Variants in ZNF609 observed in about 807,000 individuals in gnomAD.
The protein encoded by ZNF609 is zinc finger protein 609.
A neutral mutation model predicts 109.5 loss-of-function variants in ZNF609; 11 were observed. The ratio of observed to expected loss-of-function variants is 0.10; its 90% CI spans 0.06 to 0.17. ZNF609 has a LOEUF of 0.17. Among genes scored for constraint, ZNF609 ranks in the 10% least tolerant of loss-of-function variants. The pLI is 1.00. For synonymous variants in ZNF609, 646 were observed against 662.0 expected (o/e 0.98, Z 0.37); for missense variants, 1,559 against 1,772.4 (o/e 0.88, Z 2.16).
intron 2 of ZNF609, among the ~76,000 whole-genome samples, chr15:64,609,086 TTC>T (rs1250928212): frequency 9.0e-5 from 3 of 33,434 alleles, no homozygotes; most frequent in African/African-American, 1.9e-4. Context: ...CTTTCTTTCT[TTC>T]TTTCTTTCTT....
intron 2 of ZNF609, among the ~76,000 whole-genome samples, chr15:64,594,806 C>T (rs529318381): frequency 9.5e-4 from 142 of 149,362 alleles, no homozygotes; most frequent in African/African-American, 3.4e-3. Flanking sequence ...GCGGGTGGAT[C>T]ATGAGGTCAG....
chr15:64,526,275 A>G (rs1021672148), intron 2 of ZNF609, among the ~76,000 whole-genome samples: 25 of 152,068 alleles, frequency 1.6e-4, no homozygotes, highest in Admixed American at 7.9e-4. Flanking sequence ...CAGAAATACT[A>G]TTGTTTTATA....
chr15:64,609,066 T>TTCTC (rs1353782917), intron 2 of ZNF609, among the ~76,000 whole-genome samples: 2 of 22,996 alleles, frequency 8.7e-5, no homozygotes, highest in African/African-American at 2.3e-4. Context: ...GTTTTAATTT[T>TTCTC]TCTTTCTTTC....
intron 1 of ZNF609, among the ~76,000 whole-genome samples, chr15:64,491,602 A>T (rs1595697871): frequency 6.6e-6 from 1 of 152,066 alleles, no homozygotes; most frequent in East Asian, 1.9e-4. Context: ...TAATCCCAGC[A>T]CTTTGGGAGG....
At chr15:64,538,001 G>A (rs950605172) in intron 2 of ZNF609, among the ~76,000 whole-genome samples, 1 of 152,096 alleles carries the variant, frequency 6.6e-6, no homozygotes, top group African/African-American at 2.4e-5. Context: ...AGCTACTCGG[G>A]AGGCTGAGGT....
At chr15:64,617,960 CTG>C (rs1895824578) in intron 2 of ZNF609, among the ~76,000 whole-genome samples, 1 of 152,116 alleles carries the variant, frequency 6.6e-6, no homozygotes, top group South Asian at 2.1e-4. Flanking sequence ...ATTTCAAAGA[CTG>C]AGAATTAGCT....
rs150523549 is a variant in ZNF609 at position 64,491,911 on chromosome 15, A to G, written c.-127-7382A>G. Among the ~76,000 whole-genome samples, 814 of 151,980 alleles carry G rather than the reference A, an allele frequency of 5.4e-3. 12 individuals are homozygous for G. Among genetic ancestry groups the G allele is most frequent in the African/African-American group, 0.019 (781 of 41,456 alleles). On this transcript the variant is annotated intron_variant, in intron 1 of 9. Coordinates refer to ENST00000326648, the MANE Select transcript of ZNF609 (RefSeq NM_015042.2). Reference sequence around the variant, plus strand: ...TTGTCCCTGAGGGATTTCTGAAGCAAGATGGAGTCTGTCAGTCACGACAGT... The same window carrying G: ...TTGTCCCTGAGGGATTTCTGAAGCAGGATGGAGTCTGTCAGTCACGACAGT...
intron 2 of ZNF609, among the ~76,000 whole-genome samples, chr15:64,602,671 C>T (rs56360107): frequency 0.016 from 2,339 of 150,446 alleles, 65 homozygotes; most frequent in African/African-American, 0.054. Context: ...AAGCTCATGA[C>T]TCATGACTTC....
At chr15:64,519,972 C>T (rs1214576700) in intron 2 of ZNF609, among the ~76,000 whole-genome samples, 2 of 152,142 alleles carry the variant, frequency 1.3e-5, no homozygotes, top group Non-Finnish European at 2.9e-5. Context: ...AGTTACAGGT[C>T]AGCAACAAAT....
At chr15:64,510,364 C>T (rs1174370024) in intron 2 of ZNF609, among the ~76,000 whole-genome samples, 5 of 151,730 alleles carry the variant, frequency 3.3e-5, no homozygotes, top group African/African-American at 7.3e-5. Context: ...ATCACCACAT[C>T]GGGCTAATTT....
At chr15:64,671,339 C>T (rs1482476497) in intron 4 of ZNF609, 2 of 151,216 alleles carry the variant, frequency 1.3e-5, no homozygotes, top group Non-Finnish European at 2.9e-5. Context: ...ACAAGGGTGA[C>T]ATGCAGATTC....
intron 3 of ZNF609, among the ~76,000 whole-genome samples, chr15:64,659,860 A>T: frequency 7.4e-6 from 1 of 135,910 alleles, no homozygotes. Flanking sequence ...TTTGATACTG[A>T]GTCTTGCTTT....
intron 2 of ZNF609, among the ~76,000 whole-genome samples, chr15:64,526,648 C>T (rs1893971729): frequency 6.6e-6 from 1 of 151,904 alleles, no homozygotes; most frequent in South Asian, 2.1e-4. Context: ...GGGTCTTGCC[C>T]TGTCACCCAG....
At chr15:64,476,787 T>C (rs2140334098) in intron 1 of ZNF609, among the ~76,000 whole-genome samples, 1 of 152,324 alleles carries the variant, frequency 6.6e-6, no homozygotes, top group Non-Finnish European at 1.5e-5. Flanking sequence ...GACTGAGCCT[T>C]GGTTGCCTGG....
chr15:64,552,839 G>A (rs1001512591), intron 2 of ZNF609, among the ~76,000 whole-genome samples: 2 of 152,052 alleles, frequency 1.3e-5, no homozygotes, highest in Non-Finnish European at 2.9e-5. Context: ...TAGAGATGGG[G>A]TTTCACTATG....
chr15:64,643,829 C>G (rs939427759), intron 3 of ZNF609: 1 of 152,212 alleles, frequency 6.6e-6, no homozygotes, highest in African/African-American at 2.4e-5. Context: ...GGTGTGGTGG[C>G]TCATGCCTGT....
chr15:64,647,322 A>G (rs1024490677), intron 3 of ZNF609, among the ~76,000 whole-genome samples: 9 of 152,158 alleles, frequency 5.9e-5, no homozygotes, highest in African/African-American at 2.2e-4. Context: ...ATGGAGAATT[A>G]TTGCTTAATG....
At chr15:64,536,657 A>G (rs560579239) in intron 2 of ZNF609, among the ~76,000 whole-genome samples, 1 of 150,958 alleles carries the variant, frequency 6.6e-6, no homozygotes, top group South Asian at 2.1e-4. Flanking sequence ...CAGGAGGATC[A>G]CTAGAGCTAA....
chr15:64,561,546 CTTTT>C (rs923856577), intron 2 of ZNF609, among the ~76,000 whole-genome samples: 1 of 142,310 alleles, frequency 7.0e-6, no homozygotes, highest in East Asian at 2.0e-4. Flanking sequence ...CTTTTCTTTT[CTTTT>C]TCTTTTTTTT....
Sources: allele counts gnomAD v4.1 joint callset (sites outside exome capture counted in the v4.1 genomes callset), GRCh38; gene constraint gnomAD v4.1.1; transcripts MANE v1.5; gene names NCBI Gene and HGNC (gene_info 2026-07-23, HGNC 2026-07-21).